Variants in CNTNAP2 observed in about 807,000 individuals in gnomAD.
The protein encoded by CNTNAP2 is contactin-associated protein-like 2.
Under a neutral mutation model 155.2 loss-of-function variants are expected in CNTNAP2, and 98 were observed. That is an observed-to-expected ratio of 0.63 (90% confidence interval 0.54 to 0.75). The LOEUF is 0.75. Among genes scored for constraint, CNTNAP2 ranks in the 30% least tolerant of loss-of-function variants. The pLI is 0.00. For synonymous variants in CNTNAP2, 651 were observed against 631.2 expected (o/e 1.03, Z -0.47); for missense variants, 1,727 against 1,688.1 (o/e 1.02, Z -0.40).
intron 1 of CNTNAP2, among the ~76,000 whole-genome samples, chr7:146,698,829 C>T (rs1045776427): frequency 6.6e-6 from 1 of 152,048 alleles, no homozygotes; most frequent in Non-Finnish European, 1.5e-5. Flanking sequence ...TTTTTTTACT[C>T]TTTACATTGT....
At chr7:147,231,547 A>G (rs1192423447) in intron 8 of CNTNAP2, among the ~76,000 whole-genome samples, 1 of 152,158 alleles carries the variant, frequency 6.6e-6, no homozygotes, top group Non-Finnish European at 1.5e-5. Context: ...TTACATTCCC[A>G]CTAACAGTGT....
At chr7:146,925,790 T>C (rs1469254911) in intron 3 of CNTNAP2, among the ~76,000 whole-genome samples, 7 of 152,148 alleles carry the variant, frequency 4.6e-5, no homozygotes, top group Admixed American at 4.6e-4. Flanking sequence ...ATTCATAATA[T>C]TGTAGCAGCA....
At chr7:148,012,475 A>G (rs1802098100) in intron 15 of CNTNAP2, among the ~76,000 whole-genome samples, 1 of 152,214 alleles carries the variant, frequency 6.6e-6, no homozygotes. Context: ...AGTTCTAGGG[A>G]TCTGCTGATC....
intron 1 of CNTNAP2, among the ~76,000 whole-genome samples, chr7:146,196,387 C>A (rs1398413788): frequency 6.6e-6 from 1 of 152,090 alleles, no homozygotes; most frequent in Non-Finnish European, 1.5e-5. Context: ...ATACCAATAA[C>A]TACAATGAGA....
At chr7:148,251,543 C>T (rs1796362889) in intron 20 of CNTNAP2, among the ~76,000 whole-genome samples, 1 of 152,286 alleles carries the variant, frequency 6.6e-6, no homozygotes, top group Non-Finnish European at 1.5e-5. Flanking sequence ...AATCTCCAGT[C>T]CCTCTGCCTT....
chr7:147,258,394 AT>A (rs1804377705), intron 8 of CNTNAP2, among the ~76,000 whole-genome samples: 1 of 152,162 alleles, frequency 6.6e-6, no homozygotes, highest in Non-Finnish European at 1.5e-5. Context: ...TTGAAACTAT[AT>A]AACAATAAAT....
In CNTNAP2 at chr7:147,950,211, G is replaced by C. The variant is rs373300652; in HGVS notation, c.2256-27651G>C. ...TCACCTGGAATTGACTTTGCAAGCT[G>C]AAGACTGTTTTCAACTGTGACTGTG... On this transcript the variant is annotated intron_variant, in intron 14 of 23. Transcript: ENST00000361727. Among the ~76,000 whole-genome samples, 56 of 151,982 alleles carry C rather than the reference G, an allele frequency of 3.7e-4. 1 individual carries two copies. Among genetic ancestry groups the C allele is most frequent in the Middle Eastern group, 3.4e-3 (1 of 292 alleles).
At chr7:146,922,674 G>A (rs983571486) in intron 3 of CNTNAP2, among the ~76,000 whole-genome samples, 2 of 152,118 alleles carry the variant, frequency 1.3e-5, no homozygotes, top group African/African-American at 4.8e-5. Flanking sequence ...TTAGCTCTGC[G>A]ATTGTAAAAA....
chr7:147,590,272 A>G (rs924643515), intron 12 of CNTNAP2, among the ~76,000 whole-genome samples: 37 of 152,094 alleles, frequency 2.4e-4, no homozygotes, highest in African/African-American at 8.5e-4. Context: ...CCAAATTGAT[A>G]TGGTTTGGCT....
chr7:147,750,690 A>G lies in CNTNAP2; in HGVS notation c.2098+111384A>G, dbSNP rs529005649. 2.1e-3 allele frequency among the ~76,000 whole-genome samples: 325 copies of G among 152,322 alleles called. 3 individuals are homozygous for G. The highest frequency in any genetic ancestry group is 7.3e-3 in the African/African-American group (304 of 41,574). On this transcript the variant is annotated intron_variant, in intron 13 of 23. Coordinates refer to ENST00000361727, the MANE Select transcript of CNTNAP2 (RefSeq NM_014141.6). Reference sequence around the variant, plus strand: ...TTGTTCAAGTGCCTGCTATCAGCTAAAATGATCCTGGGCAAAAGGAACCAG... The same window carrying G: ...TTGTTCAAGTGCCTGCTATCAGCTAGAATGATCCTGGGCAAAAGGAACCAG...
At chr7:147,561,513 A>C (rs1047496899) in intron 11 of CNTNAP2, among the ~76,000 whole-genome samples, 30 of 152,220 alleles carry the variant, frequency 2.0e-4, no homozygotes, top group Middle Eastern at 6.8e-3. Context: ...GAATAAGAAC[A>C]TAATTTAATT....
intron 14 of CNTNAP2, among the ~76,000 whole-genome samples, chr7:147,919,459 C>CTTTTTTTTTTTTTTTTTTTTTTTTTTTTT (rs796710849): frequency 5.9e-5 from 3 of 51,236 alleles, no homozygotes; most frequent in Non-Finnish European, 1.0e-4. Context: ...CTTTTTCTTT[C>CTTTTTTTTTTTTTTTTTTTTTTTTTTTTT]TTTTTTTTTT....
At chr7:146,690,287 C>T (rs371029161) in intron 1 of CNTNAP2, among the ~76,000 whole-genome samples, 77 of 152,268 alleles carry the variant, frequency 5.1e-4, no homozygotes, top group African/African-American at 1.7e-3. Flanking sequence ...AGGAGACATA[C>T]GTCATGATCA....
At chr7:147,030,328 G>C (rs1482967984) in intron 3 of CNTNAP2, among the ~76,000 whole-genome samples, 1 of 152,060 alleles carries the variant, frequency 6.6e-6, no homozygotes, top group African/African-American at 2.4e-5. Flanking sequence ...TTTCTTTCTG[G>C]GCTCAGTACC....
At chr7:147,737,256 C>G (rs951253516) in intron 13 of CNTNAP2, among the ~76,000 whole-genome samples, 2 of 152,188 alleles carry the variant, frequency 1.3e-5, no homozygotes, top group Non-Finnish European at 2.9e-5. Context: ...GGACCCTCAG[C>G]TGCAGGTCTG....
At chr7:146,457,484 AT>A in intron 1 of CNTNAP2, among the ~76,000 whole-genome samples, 1 of 152 alleles carries the variant, frequency 6.6e-3, no homozygotes, top group Non-Finnish European at 0.019. Context: ...AAAAATGAAT[AT>A]ATATATATAT....
chr7:146,720,288 C>A (rs571840928), intron 1 of CNTNAP2, among the ~76,000 whole-genome samples: 3 of 152,250 alleles, frequency 2.0e-5, no homozygotes, highest in South Asian at 4.1e-4. Flanking sequence ...ATTTATCATC[C>A]TGTAGAGTAG....
intron 8 of CNTNAP2, among the ~76,000 whole-genome samples, chr7:147,159,882 T>C (rs1050909374): frequency 1.3e-5 from 2 of 152,108 alleles, no homozygotes; most frequent in Non-Finnish European, 2.9e-5. Flanking sequence ...ATTAAGAAAT[T>C]GGTATATCTA....
chr7:146,701,198 C>T lies in CNTNAP2; in HGVS notation c.98-73073C>T, dbSNP rs75457780. ...ACAATTGCACAAGGCCGATGTTCTG[C>T]TGGCCTGCTTCAGTAAGGCTCTAAA... On this transcript the variant is annotated intron_variant, in intron 1 of 23. Coordinates refer to ENST00000361727, the MANE Select transcript of CNTNAP2 (RefSeq NM_014141.6). Among the ~76,000 whole-genome samples the T allele has an allele frequency of 5.3e-3, 807 of 152,312 alleles. 5 individuals carry two copies. Among genetic ancestry groups the T allele is most frequent in the African/African-American group, 0.018 (757 of 41,584 alleles).
Sources: gnomAD v4.1 joint callset for allele counts (sites outside exome capture counted in the v4.1 genomes callset) on GRCh38, gnomAD v4.1.1 for gene constraint, MANE v1.5 for transcripts, NCBI Gene and HGNC (gene_info 2026-07-23, HGNC 2026-07-21) for gene names.